Variants in MYH7B observed in about 807,000 individuals in gnomAD.
MYH7B encodes the protein myosin heavy chain 7B, also known as myosin-7B.
Under a neutral mutation model 234.5 loss-of-function variants are expected in MYH7B, and 205 were observed. The observed-to-expected ratio is 0.87, with a 90% confidence interval of 0.78 to 0.98. MYH7B has a LOEUF of 0.98. MYH7B is among the 50% of genes least tolerant of loss of function. The pLI, the probability that MYH7B is intolerant of heterozygous loss-of-function variation, is 0.00. For synonymous variants in MYH7B, 1,193 were observed against 1,105.0 expected (o/e 1.08, Z -1.58); for missense variants, 2,652 against 2,633.4 (o/e 1.01, Z -0.15).
At chr20:34,980,838 C>G (rs900360042) in intron 8 of MYH7B, 104 bp downstream of exon 8, 3 of 1,527,258 alleles carry the variant, frequency 2.0e-6, no homozygotes, top group Non-Finnish European at 2.7e-6. Flanking sequence ...CCCCTTTTGA[C>G]GCTGCTGGAC....
At chr20:34,997,161 C>T in exon 31 of MYH7B, 1 of 1,549,824 alleles carries the variant, frequency 6.5e-7, no homozygotes, top group East Asian at 2.4e-5. Flanking sequence ...AGAAGAAGAT[C>T]AAGGAGCTGC....
intron 10 of MYH7B, among the ~76,000 whole-genome samples, chr20:34,982,756 C>T (rs1472008785): frequency 6.6e-6 from 1 of 152,170 alleles, no homozygotes; most frequent in Non-Finnish European, 1.5e-5. Flanking sequence ...GACGCGCCTG[C>T]CTTCGCCTTC....
At chr20:34,982,617 C>T (rs1312602584) in intron 10 of MYH7B, 62 bp downstream of exon 10, 7 of 1,357,134 alleles carry the variant, frequency 5.2e-6, no homozygotes, top group Non-Finnish European at 7.0e-6. Context: ...TTTCTTTCTT[C>T]CTCTCTTTTT....
intron 22 of MYH7B, 156 bp from the exon 23 acceptor site, chr20:34,990,582 A>G: frequency 4.0e-6 from 3 of 750,520 alleles, no homozygotes; most frequent in Admixed American, 2.0e-5. Context: ...TGGTGATGGG[A>G]GACAGCGAAG....
At chr20:34,997,440 C>A in exon 32 of MYH7B, 2 of 1,472,804 alleles carry the variant, frequency 1.4e-6, no homozygotes, top group South Asian at 1.4e-5. Context: ...GAGGCTGCGG[C>A]GGGAGCTGGA....
chr20:34,963,014 CT>C (rs2081712677), intron 2 of MYH7B, among the ~76,000 whole-genome samples: 1 of 152,222 alleles, frequency 6.6e-6, no homozygotes, highest in African/African-American at 2.4e-5. Context: ...CAGAGAATCG[CT>C]TGAACCCCAG....
exon 36 of MYH7B, chr20:34,999,157 A>C: frequency 6.2e-7 from 1 of 1,613,698 alleles, no homozygotes; most frequent in Non-Finnish European, 8.5e-7. Context: ...CTACAGACAG[A>C]GTCAGAGGAT....
intron 7 of MYH7B, 115 bp downstream of exon 7, chr20:34,979,919 G>C (rs1264034217): frequency 8.1e-6 from 10 of 1,230,094 alleles, no homozygotes; most frequent in Admixed American, 2.2e-5. Flanking sequence ...GCGGTGGATC[G>C]GGGCTGTGAA....
chr20:34,963,075 G>A (rs934766436), intron 2 of MYH7B, among the ~76,000 whole-genome samples: 1 of 152,228 alleles, frequency 6.6e-6, no homozygotes, highest in Non-Finnish European at 1.5e-5. Context: ...TCCAGCCTGG[G>A]TGACAGAGCG....
At chr20:34,996,161 G>C (rs1334292544) in intron 28 of MYH7B, among the ~76,000 whole-genome samples, 185 bp from the exon 29 acceptor site, 2 of 152,186 alleles carry the variant, frequency 1.3e-5, no homozygotes, top group Non-Finnish European at 2.9e-5. Context: ...GCATCCACTC[G>C]TGAATCCTCA....
intron 24 of MYH7B, among the ~76,000 whole-genome samples, chr20:34,992,160 C>A (rs965867781): frequency 9.2e-5 from 14 of 152,096 alleles, no homozygotes; most frequent in Non-Finnish European, 1.8e-4. Flanking sequence ...CCGAGGCAGG[C>A]GGATCACGAG....
intron 4 of MYH7B, 79 bp downstream of exon 4, chr20:34,977,759 C>T (rs1445789672): frequency 2.7e-6 from 4 of 1,480,930 alleles, no homozygotes; most frequent in South Asian, 2.4e-5. Context: ...CATGGGTGGC[C>T]GCGAGTCTTC....
intron 5 of MYH7B, 47 bp downstream of exon 5, chr20:34,978,143 T>C (rs770765761): frequency 1.2e-6 from 2 of 1,607,976 alleles, no homozygotes; most frequent in Non-Finnish European, 8.5e-7. Flanking sequence ...GAGATGCCCT[T>C]ATGGACTCAG....
chr20:34,957,176 G>T (rs1286776609), intron 1 of MYH7B, among the ~76,000 whole-genome samples: 1 of 152,242 alleles, frequency 6.6e-6, no homozygotes. Context: ...CAGGACTTAG[G>T]CGCTTAGGCT....
rs183433029 is a variant in MYH7B at position 35,001,358 on chromosome 20, C to T, written c.5580+9C>T. The T allele has an allele frequency of 2.3e-5, 37 of 1,603,804 alleles. No homozygotes were observed. In the African/African-American group the frequency reaches 3.5e-4, roughly 15 times the overall value. On this transcript the variant is annotated intron_variant, in intron 42 of 44. Coordinates refer to ENST00000262873, the Ensembl canonical transcript of MYH7B. ...AGGAGCTCGCATACCAGGTGGGCGA[C>T]AGGGTCTCCCTGGGGAGTGGCCCTG...
chr20:34,984,871 AATC>A (rs1183360717), exon 12 of MYH7B: 4 of 1,613,992 alleles, frequency 2.5e-6, no homozygotes, highest in Non-Finnish European at 3.4e-6. Context: ...TTGAGGATCA[AATC>A]ATCGAGGCCA....
intron 1 of MYH7B, among the ~76,000 whole-genome samples, chr20:34,957,483 TC>T (rs764789483): frequency 7.9e-6 from 1 of 126,748 alleles, no homozygotes. Flanking sequence ...TCCTTTTGAC[TC>T]TTTTTTTTTT....
chr20:34,960,651 C>T (rs2081687626), intron 2 of MYH7B, among the ~76,000 whole-genome samples: 1 of 152,224 alleles, frequency 6.6e-6, no homozygotes, highest in African/African-American at 2.4e-5. Context: ...CACCCTGCCT[C>T]ATACTGTTGT....
chr20:34,987,151 T>A, exon 16 of MYH7B: 1 of 1,613,400 alleles, frequency 6.2e-7, no homozygotes, highest in South Asian at 1.1e-5. Flanking sequence ...CCCCCCAGCA[T>A]GCCATGGACA....
Sources: gnomAD v4.1 joint callset for allele counts (sites outside exome capture counted in the v4.1 genomes callset) on GRCh38, gnomAD v4.1.1 for gene constraint, MANE v1.5 for transcripts, NCBI Gene and HGNC (gene_info 2026-07-23, HGNC 2026-07-21) for gene names.